PRDM9: variants seen among roughly 807,000 people sequenced by gnomAD.
PRDM9 encodes the protein histone-lysine N-methyltransferase PRDM9.
A neutral mutation model predicts 55.6 loss-of-function variants in PRDM9; 47 were observed. The ratio of observed to expected loss-of-function variants is 0.85; its 90% confidence interval spans 0.67 to 1.08. The LOEUF (loss-of-function observed/expected upper bound fraction) is 1.08, where lower values mean the gene tolerates loss of function less well. Ranked by LOEUF, PRDM9 falls within the 50% of genes least tolerant of loss-of-function variation. PRDM9 has a pLI of 0.00. For synonymous variants in PRDM9, 312 were observed against 375.7 expected (o/e 0.83, Z 1.96); for missense variants, 867 against 1,040.3 (o/e 0.83, Z 2.29).
chr5:23,513,747 C>T (rs1739146241), intron 4 of PRDM9, among the ~76,000 whole-genome samples: 1 of 151,884 alleles, frequency 6.6e-6, no homozygotes, highest in African/African-American at 2.4e-5. Context: ...GGCATAGTGG[C>T]GTGCACCTAT....
Position 23,522,346 on chromosome 5 carries a change from G to A in PRDM9, c.551G>A (p.Arg184Gln), listed in dbSNP as rs779766814. The change falls in exon 7 of 11, where the codon CGA becomes CAA. Residue 184 changes from arginine to glutamine, a missense_variant. This residue lies in a region of PRDM9 where 662 missense variants were observed against 711.9 expected (regional missense o/e 0.93). Transcript: ENST00000296682. The stretch of plus-strand genomic sequence containing the variant: ...ACTGAAAGAAAGATGTATAGCCTGC[G>A]AGAAAGAAAGGGTCATGCATACAAA... ...KETERKMYSLRERKGHAYKEV... is the reference protein window; with the variant it reads ...KETERKMYSLQERKGHAYKEV... 5.6e-6 allele frequency: 9 copies of A among 1,614,098 alleles called. No homozygotes were observed. Among genetic ancestry groups the A allele is most frequent in the Non-Finnish European group, 6.8e-6 (8 of 1,180,010 alleles).
At chr5:23,514,595 C>A (rs1739166785) in intron 4 of PRDM9, among the ~76,000 whole-genome samples, 1 of 152,088 alleles carries the variant, frequency 6.6e-6, no homozygotes, top group Admixed American at 6.5e-5. Flanking sequence ...ACTACAGGGG[C>A]ACACCAGCTA....
Position 23,527,575 on chromosome 5 carries a change from G to C in PRDM9, c.2487G>C (p.Glu829Asp), listed in dbSNP as rs76769084. Reference protein sequence around the residue: ...LLRHQRTHTGEKPYVCRECGR... With the variant: ...LLRHQRTHTGDKPYVCRECGR... ...GACACCAGAGGACACACACAGGGGA[G>C]AAGCCCTATGTCTGCAGGGAGTGTG... Residue 829 changes from glutamate (E) to aspartate (D), a missense_variant, in exon 11 of 11, where the codon GAG (glutamate) becomes GAC (aspartate). Glu to Asp is a conservative substitution (Grantham distance 45). Around this residue, in one of 5 missense-constraint regions of PRDM9, gnomAD observed 92 missense variants for 185.7 expected, o/e 0.50. Transcript: ENST00000296682. 129 of 1,531,256 alleles carry C rather than the reference G, an allele frequency of 8.4e-5. No individual in the cohort carries two copies. The African/African-American group carries it at 2.1e-3, about 25-fold the overall frequency. 94.9% of individuals were successfully genotyped at this position (1,531,256 alleles called of 1,614,324 possible).
intron 4 of PRDM9, among the ~76,000 whole-genome samples, chr5:23,510,723 G>T (rs1739079129): frequency 6.6e-6 from 1 of 151,770 alleles, no homozygotes; most frequent in African/African-American, 2.4e-5. Context: ...CCAGGCTGGA[G>T]TGCAGTGGTG....
At chr5:23,520,912 AT>A (rs1346059299) in intron 5 of PRDM9, 110 bp from the exon 6 acceptor site, 21 of 1,275,954 alleles carry the variant, frequency 1.6e-5, no homozygotes, top group African/African-American at 2.9e-5. Context: ...CACTCTAGGT[AT>A]TTTCAAGGTT....
At chr5:23,515,960 A>C (rs1276947294) in intron 4 of PRDM9, among the ~76,000 whole-genome samples, 1 of 152,098 alleles carries the variant, frequency 6.6e-6, no homozygotes. Flanking sequence ...CTTTAACTTT[A>C]TTCTTCTTTT....
rs756297296 is a variant in PRDM9, at chr5:23,524,460, T to A, written c.1077T>A (p.Asp359Glu). 4 of 1,613,872 alleles carry A rather than the reference T, an allele frequency of 2.5e-6. No individual in the cohort carries two copies. The highest frequency in any genetic ancestry group is 3.4e-6 in the Non-Finnish European group (4 of 1,179,878). Residue 359 changes from aspartate (D) to glutamate (E), a missense_variant, in exon 10 of 11, where the codon GAT becomes GAA. By Grantham distance (45) the Asp-to-Glu change is conservative. This residue lies in a region of PRDM9 where 662 missense variants were observed against 711.9 expected (regional missense o/e 0.93). Coordinates refer to ENST00000296682, the MANE Select transcript of PRDM9 (RefSeq NM_020227.4). ...PGCELLVWYG[D>E]EYGQELGIKW... ...GTGAACTGCTGGTCTGGTATGGGGA[T>A]GAATACGGCCAGGAACTGGGCATCA...
At chr5:23,523,026 A>G (rs2126428812) in intron 8 of PRDM9, 141 bp downstream of exon 8, 1 of 1,458,290 alleles carries the variant, frequency 6.9e-7, no homozygotes, top group Non-Finnish European at 9.6e-7. Context: ...TTGCATGAAC[A>G]CGGAACTCCT....
In PRDM9 at chr5:23,509,585, T is replaced by G; in HGVS notation, c.185T>G (p.Ile62Ser). 6.2e-7 allele frequency: 1 copy of G among 1,614,158 alleles called. No homozygotes were observed. Among genetic ancestry groups the G allele is most frequent in the Non-Finnish European group, 8.5e-7 (1 of 1,180,014 alleles). The change falls in exon 3 of 11, where the codon ATT becomes AGT. Residue 62 changes from isoleucine (I) to serine (S), a missense_variant. By Grantham distance (142) the Ile-to-Ser change is moderately radical. This residue lies in a region of PRDM9 where 662 missense variants were observed against 711.9 expected (regional missense o/e 0.93). Coordinates refer to ENST00000296682, the MANE Select transcript of PRDM9 (RefSeq NM_020227.4). ...GTGAAAAGGAACTATAATGCACTGA[T>G]TACTATAGGTAACAGGAAGTGCTGG... Reference protein sequence around the residue: ...RNVKRNYNALITIGLRATRPA... With the variant: ...RNVKRNYNALSTIGLRATRPA...
chr5:23,517,976 T>A, intron 5 of PRDM9, 46 bp downstream of exon 5: 1 of 1,503,650 alleles, frequency 6.7e-7, no homozygotes. Flanking sequence ...TCCTCATGGA[T>A]CCAAACACAG....
At chr5:23,516,423 A>C (rs927276386) in intron 4 of PRDM9, among the ~76,000 whole-genome samples, 1 of 152,064 alleles carries the variant, frequency 6.6e-6, no homozygotes, top group African/African-American at 2.4e-5. Flanking sequence ...CCCAGGCTGG[A>C]GTGCAGTGGC....
At chr5:23,523,130 A>G (rs927473371) in intron 8 of PRDM9, among the ~76,000 whole-genome samples, 161 bp from the exon 9 acceptor site, 4 of 152,084 alleles carry the variant, frequency 2.6e-5, no homozygotes, top group African/African-American at 9.7e-5. Context: ...GGACAAACCA[A>G]CTCAGATGTG....
rs755358029 is a variant in PRDM9 at position 23,527,535 on chromosome 5, A to G, written c.2447A>G (p.Lys816Arg). ...CRECGRGFSN[K>R]SHLLRHQRTH... is the part of the protein sequence containing the mutation. ...GAGTGTGGGCGGGGCTTTAGCAATA[A>G]GTCACACCTCCTCAGACACCAGAGG... The change falls in exon 11 of 11, where the codon AAG becomes AGG. Residue 816 changes from lysine (K) to arginine (R), a missense_variant. By Grantham distance (26) the Lys-to-Arg change is conservative. This residue lies in a region of PRDM9 where 92 missense variants were observed against 185.7 expected (regional missense o/e 0.50). Transcript: ENST00000296682. The G allele has an allele frequency of 4.5e-6, 7 of 1,551,314 alleles. No individual in the cohort carries two copies. The highest frequency in any genetic ancestry group is 3.6e-5 in the African/African-American group (2 of 54,924).
At chr5:23,521,569 C>T (rs564028222) in intron 6 of PRDM9, among the ~76,000 whole-genome samples, 1 of 152,270 alleles carries the variant, frequency 6.6e-6, no homozygotes, top group East Asian at 1.9e-4. Context: ...AACTCCTGGC[C>T]TCAAGAGATC....
Position 23,523,024 on chromosome 5 carries a change from A to C in PRDM9, c.882+139A>C, listed in dbSNP as rs1739365285. Reference sequence around the variant, plus strand: ...TGTGTACTCAAGGTTCTTTGCATGAACACGGAACTCCTATTTAGAGATCAG... The same window carrying C: ...TGTGTACTCAAGGTTCTTTGCATGACCACGGAACTCCTATTTAGAGATCAG... On this transcript the variant is annotated intron_variant, in intron 8 of 10. Transcript: ENST00000296682. The C allele has an allele frequency of 4.0e-5, 58 of 1,466,152 alleles. 1 individual carries two copies. In the South Asian group the frequency reaches 6.4e-4, roughly 16 times the overall value. The allele number at this position is 1,466,152 out of a possible 1,614,324, so 90.8% of individuals were successfully genotyped here. A position where few individuals can be genotyped will look rare whatever the true frequency, so the allele number is the denominator to read the frequency against.
Position 23,522,799 on chromosome 5 carries a change from G to A in PRDM9, c.796G>A (p.Asp266Asn), listed in dbSNP as rs1739358547. ...GCTTGGAGTATGGAATGAGGCATCT[G>A]ATCTGCCGCTGGGTCTGCACTTTGG... The part of the protein sequence containing the change: ...AGLGVWNEAS[D>N]LPLGLHFGPY... The change falls in exon 8 of 11, where the codon GAT (aspartate) becomes AAT (asparagine). Residue 266 changes from aspartate (D) to asparagine (N), a missense_variant. Coordinates refer to ENST00000296682, the MANE Select transcript of PRDM9 (RefSeq NM_020227.4). 1 of 1,614,106 alleles carries A rather than the reference G, an allele frequency of 6.2e-7. No homozygotes were observed. The highest frequency in any genetic ancestry group is 1.3e-5 in the African/African-American group (1 of 74,942).
At chr5:23,523,249 T>C in intron 8 of PRDM9, 42 bp from the exon 9 acceptor site, 1 of 1,587,586 alleles carries the variant, frequency 6.3e-7, no homozygotes, top group African/African-American at 1.3e-5. Context: ...CTTCTGATTT[T>C]TACCCTCTAA....
chr5:23,518,402 A>T (rs527555576), intron 5 of PRDM9, among the ~76,000 whole-genome samples: 1 of 152,354 alleles, frequency 6.6e-6, no homozygotes, highest in African/African-American at 2.4e-5. Flanking sequence ...ATGCTGTCTT[A>T]CCCATATGTG....
chr5:23,514,034 G>A lies in PRDM9; in HGVS notation c.302-3847G>A, dbSNP rs538019547. 3.5e-4 allele frequency among the ~76,000 whole-genome samples: 54 copies of A among 152,196 alleles called. No individual in the cohort carries two copies. In the South Asian group the frequency reaches 0.01, roughly 29 times the overall value. On this transcript the variant is annotated intron_variant, in intron 4 of 10. Transcript: ENST00000296682. ...TCTTCGCCAACACTTGCTATTTTCT[G>A]TTTTTTTGACAGAGGCTATCATAAC... is the stretch of plus-strand genomic sequence containing the variant.
Sources: allele counts gnomAD v4.1 joint callset (sites outside exome capture counted in the v4.1 genomes callset), GRCh38; gene constraint gnomAD v4.1.1; regional missense constraint gnomAD v4.1.1; transcripts MANE v1.5; gene names NCBI Gene and HGNC (gene_info 2026-07-23, HGNC 2026-07-21).